The following ITGAV variants were observed in gnomAD, a reference collection of about 807,000 sequenced individuals.
The protein encoded by ITGAV is integrin subunit alpha V, also known as integrin alpha-V.
A neutral mutation model predicts 143.8 loss-of-function variants in ITGAV; 76 were observed. The ratio of observed to expected loss-of-function variants is 0.53; its 90% CI spans 0.44 to 0.64. The LOEUF (loss-of-function observed/expected upper bound fraction) is 0.64. ITGAV is among the 30% of genes least tolerant of loss of function. The probability of loss-of-function intolerance (pLI) is 0.00; values close to 1 mark genes in which losing one functional copy is unlikely to be tolerated. For missense variants in ITGAV, 1,193 were observed against 1,274.7 expected (o/e 0.94, Z 0.98); for synonymous variants, 453 against 446.7 (o/e 1.01, Z -0.18).
intron 14 of ITGAV, among the ~76,000 whole-genome samples, chr2:186,651,772 A>G (rs1480684678): frequency 6.6e-6 from 1 of 152,204 alleles, no homozygotes; most frequent in Non-Finnish European, 1.5e-5. Flanking sequence ...CCCAGGATGC[A>G]GGAGTTTCTG....
intron 13 of ITGAV, among the ~76,000 whole-genome samples, chr2:186,648,996 ATATATACACATT>A (rs1688346617): frequency 1.3e-4 from 1 of 7,860 alleles, no homozygotes; most frequent in Non-Finnish European, 4.5e-4. Flanking sequence ...TTGTGTGTAT[ATATATACACATT>A]TGTGTGTATA....
chr2:186,637,615 C>T (rs948273771), intron 8 of ITGAV, among the ~76,000 whole-genome samples: 21 of 152,102 alleles, frequency 1.4e-4, no homozygotes, highest in Non-Finnish European at 2.8e-4. Context: ...TGCTGAACTT[C>T]CTCTAGTGGC....
In ITGAV at chr2:186,638,340, T is replaced by C; in HGVS notation, c.846+20T>C. 6.2e-7 allele frequency: 1 copy of C among 1,612,062 alleles called. No individual in the cohort carries two copies. The highest frequency in any genetic ancestry group is 8.5e-7 in the Non-Finnish European group (1 of 1,178,216). ...GGAATGGTAGGACAGTTAAAAGGTATTTTTTAAAAAATCTCTAAGTTATCT... is the reference window on the plus strand; with the variant it reads ...GGAATGGTAGGACAGTTAAAAGGTACTTTTTAAAAAATCTCTAAGTTATCT... On this transcript the variant is annotated intron_variant, in intron 9 of 29. Transcript: ENST00000261023.
intron 18 of ITGAV, among the ~76,000 whole-genome samples, chr2:186,661,699 C>T (rs1688750540): frequency 6.6e-6 from 1 of 151,378 alleles, no homozygotes; most frequent in Non-Finnish European, 1.5e-5. Flanking sequence ...TGTGTTCAAG[C>T]GATTACCCTG....
intron 19 of ITGAV, 150 bp downstream of exon 19, chr2:186,663,985 C>A: frequency 1.7e-6 from 1 of 600,900 alleles, no homozygotes; most frequent in Non-Finnish European, 2.9e-6. Context: ...CAATATTGAG[C>A]TTCTAAAGAA....
At chr2:186,598,846 C>T (rs1686820625) in intron 1 of ITGAV, among the ~76,000 whole-genome samples, 1 of 152,140 alleles carries the variant, frequency 6.6e-6, no homozygotes, top group South Asian at 2.1e-4. Context: ...CCAGATATGA[C>T]TGCATGGAGC....
Position 186,646,596 on chromosome 2 carries a change from C to G in ITGAV, c.1160-90C>G, listed in dbSNP as rs920067083. 1.6e-5 allele frequency: 14 copies of G among 860,212 alleles called. No individual in the cohort carries two copies. The Admixed American group carries it at 1.8e-4, about 11-fold the overall frequency. The allele number at this position is 860,212 out of a possible 1,614,324, so 53.3% of individuals were successfully genotyped here. A position where few individuals can be genotyped will look rare whatever the true frequency, so the allele number is the denominator to read the frequency against. ...TCTCTTCATCCTTGCCCTCTTCCCCCCTTCTCTCGTTCCTTCCTCATTCTT... is the reference window on the plus strand; with the variant it reads ...TCTCTTCATCCTTGCCCTCTTCCCCGCTTCTCTCGTTCCTTCCTCATTCTT... On this transcript the variant is annotated intron_variant, in intron 12 of 29. Transcript: ENST00000261023.
At chr2:186,624,085 C>T (rs775125359) in intron 3 of ITGAV, among the ~76,000 whole-genome samples, 1 of 152,170 alleles carries the variant, frequency 6.6e-6, no homozygotes, top group Non-Finnish European at 1.5e-5. Context: ...TTGGCCTCCT[C>T]TCACTCCATC....
rs1002764118 is a variant in ITGAV at position 186,590,630 on chromosome 2, G to T, written c.185+107G>T. On this transcript the variant is annotated intron_variant, in intron 1 of 29. Coordinates refer to ENST00000261023, the MANE Select transcript of ITGAV (RefSeq NM_002210.5). The stretch of plus-strand genomic sequence containing the variant: ...TTCCGAGAGATCCCGGCGTCTGTCT[G>T]TCTCACCCATCCTACCTCTCAGAGT... The T allele has an allele frequency of 7.7e-6, 8 of 1,035,906 alleles. No homozygotes were observed. The African/African-American group carries it at 8.2e-5, about 11-fold the overall frequency. 64.2% of individuals were successfully genotyped at this position (1,035,906 alleles called of 1,614,324 possible).
chr2:186,622,072 CT>C (rs1235020962), intron 2 of ITGAV, among the ~76,000 whole-genome samples: 1 of 152,064 alleles, frequency 6.6e-6, no homozygotes, highest in African/African-American at 2.4e-5. Context: ...AACTGGAAAA[CT>C]TTATTTACAA....
chr2:186,643,688 G>A (rs1559055915), intron 12 of ITGAV, among the ~76,000 whole-genome samples: 1 of 152,036 alleles, frequency 6.6e-6, no homozygotes, highest in East Asian at 1.9e-4. Context: ...ATTATGTGCA[G>A]TTTTTTATCA....
chr2:186,594,359 G>A (rs1686691678), intron 1 of ITGAV, among the ~76,000 whole-genome samples: 1 of 152,052 alleles, frequency 6.6e-6, no homozygotes, highest in South Asian at 2.1e-4. Context: ...CTATTTTTCT[G>A]TGTTTCTCCT....
Position 186,678,814 on chromosome 2 carries a change from A to G in ITGAV, c.*1522A>G, listed in dbSNP as rs1219850119. On this transcript the variant is annotated 3_prime_UTR_variant, in exon 30 of 30. Transcript: ENST00000261023. Reference sequence around the variant, plus strand: ...TGCTGTCCTCATTAGGTAATGATAAATATTTCCCTTAAATAATTGACTATT... The same window carrying G: ...TGCTGTCCTCATTAGGTAATGATAAGTATTTCCCTTAAATAATTGACTATT... 2.3e-6 allele frequency: 1 copy of G among 430,218 alleles called. No homozygotes were observed. The highest frequency in any genetic ancestry group is 4.6e-6 in the Non-Finnish European group (1 of 217,530). The allele number at this position is 430,218 out of a possible 1,614,324, so 26.7% of individuals were successfully genotyped here.
chr2:186,627,355 T>G (rs1399487494), intron 4 of ITGAV, among the ~76,000 whole-genome samples: 1 of 152,222 alleles, frequency 6.6e-6, no homozygotes, highest in East Asian at 1.9e-4. Context: ...TCCTCTACAT[T>G]ATTCACAATA....
chr2:186,676,571 G>A (rs1205546639), intron 28 of ITGAV, among the ~76,000 whole-genome samples: 1 of 152,070 alleles, frequency 6.6e-6, no homozygotes, highest in South Asian at 2.1e-4. Flanking sequence ...CATACTGGGC[G>A]AGACTCTGTC....
In ITGAV at chr2:186,606,402, A is replaced by G. The variant is rs1031635789; in HGVS notation, c.316+4251A>G. On this transcript the variant is annotated intron_variant, in intron 2 of 29. Transcript: ENST00000261023. ...TCTCCCTAGTGCAGTATTCTCATCA[A>G]CCTGCTCCATGGGTGTGGATTACAT... 4.6e-5 allele frequency among the ~76,000 whole-genome samples: 7 copies of G among 152,266 alleles called. No individual in the cohort carries two copies. The East Asian group carries it at 5.8e-4, about 13-fold the overall frequency.
At chr2:186,659,418 A>T (rs1446607398) in intron 18 of ITGAV, among the ~76,000 whole-genome samples, 3 of 152,066 alleles carry the variant, frequency 2.0e-5, no homozygotes, top group Admixed American at 2.0e-4. Flanking sequence ...AAGACATTTC[A>T]TATACATGAA....
intron 1 of ITGAV, among the ~76,000 whole-genome samples, chr2:186,591,859 A>G (rs975184669): frequency 2.6e-5 from 4 of 152,114 alleles, no homozygotes; most frequent in Non-Finnish European, 4.4e-5. Flanking sequence ...GACCTGGAGC[A>G]CAGATTTTCC....
chr2:186,668,963 T>C, intron 25 of ITGAV, 43 bp downstream of exon 25: 1 of 1,462,428 alleles, frequency 6.8e-7, no homozygotes, highest in Middle Eastern at 2.0e-4. Context: ...TGATATTTCA[T>C]TGCCTTCTTT....
Sources: allele counts gnomAD v4.1 joint callset (sites outside exome capture counted in the v4.1 genomes callset), GRCh38; gene constraint gnomAD v4.1.1; transcripts MANE v1.5; gene names NCBI Gene and HGNC (gene_info 2026-07-23, HGNC 2026-07-21).